Variants in PGM2L1 observed in about 807,000 individuals in gnomAD.
The protein encoded by PGM2L1 is phosphoglucomutase 2 like 1, also known as glucose 1,6-bisphosphate synthase.
Under a neutral mutation model 73.4 loss-of-function variants are expected in PGM2L1, and 35 were observed. That is an observed-to-expected ratio of 0.48 (90% CI 0.36 to 0.63). The LOEUF is 0.63. Ranked by LOEUF, PGM2L1 falls within the 30% of genes least tolerant of loss-of-function variation. The pLI is 0.00. For missense variants in PGM2L1, 570 were observed against 742.0 expected, an observed-to-expected ratio of 0.77 and a Z score of 2.69; for synonymous variants, 225 against 253.8, an observed-to-expected ratio of 0.89 and a Z score of 1.08.
At chr11:74,347,869 A>G (rs1016426033) in intron 6 of PGM2L1, among the ~76,000 whole-genome samples, 1 of 152,218 alleles carries the variant, frequency 6.6e-6, no homozygotes, top group Non-Finnish European at 1.5e-5. Context: ...AGGATTGAAC[A>G]GCTTCACTCT....
chr11:74,386,862 T>C (rs763983210), intron 1 of PGM2L1, among the ~76,000 whole-genome samples: 7 of 152,172 alleles, frequency 4.6e-5, no homozygotes, highest in Admixed American at 1.3e-4. Context: ...TATTCCTAGA[T>C]ATGCCTTGGT....
At chr11:74,341,332 C>T (rs751497105) in intron 12 of PGM2L1, among the ~76,000 whole-genome samples, 35 of 152,192 alleles carry the variant, frequency 2.3e-4, no homozygotes, top group Admixed American at 1.1e-3. Flanking sequence ...AACTGGGGCT[C>T]AGCCCAGGAG....
intron 12 of PGM2L1, among the ~76,000 whole-genome samples, chr11:74,341,128 C>G (rs537567661): frequency 2.0e-5 from 3 of 151,438 alleles, no homozygotes; most frequent in Non-Finnish European, 4.4e-5. Context: ...GCCCCCACCT[C>G]CATTCCACAC....
rs550393852 is a variant in PGM2L1, at chr11:74,352,749, A to G, written c.556-1173T>C. 2.6e-5 allele frequency among the ~76,000 whole-genome samples: 4 copies of G among 152,332 alleles called. No homozygotes were observed. The South Asian group carries it at 8.3e-4, about 32-fold the overall frequency. ...TTATCTTAAATGCACAGCATAATTC[A>G]CAAGAGGAAAGGGACGACTCCAGGC... On this transcript the variant is annotated intron_variant, in intron 5 of 13. Transcript: ENST00000298198.
chr11:74,351,734 G>GGGCAGATCACGAGGTC (rs575704724), intron 5 of PGM2L1, among the ~76,000 whole-genome samples, 158 bp from the exon 6 acceptor site: 1,914 of 152,056 alleles, frequency 0.013, 40 homozygotes, highest in African/African-American at 0.044. Context: ...AGGCTGAGGC[G>GGGCAGATCACGAGGTC]GGCAGATCAC....
chr11:74,345,521 A>C lies in PGM2L1; in HGVS notation c.1166T>G (p.Val389Gly). ...AATTGCCTTCAGAATTTTAGAAGAG[A>C]CTGTGGTGGCTAACATATAAACGTT... ...VKNVYMLATT[V>G]SSKILKAIAL... Residue 389 changes from valine (V) to glycine (G), a missense_variant, in exon 9 of 14, where the codon GTC (valine) becomes GGC (glycine). Coordinates refer to ENST00000298198, the MANE Select transcript of PGM2L1 (RefSeq NM_173582.6). 6.2e-7 allele frequency: 1 copy of C among 1,613,426 alleles called. No individual in the cohort carries two copies. The highest frequency in any genetic ancestry group is 8.5e-7 in the Non-Finnish European group (1 of 1,179,512).
At chr11:74,365,442 G>T (rs188189477) in intron 5 of PGM2L1, among the ~76,000 whole-genome samples, 1 of 152,204 alleles carries the variant, frequency 6.6e-6, no homozygotes, top group Admixed American at 6.5e-5. Context: ...TACAGAATGG[G>T]AGAAACTTTT....
intron 1 of PGM2L1, among the ~76,000 whole-genome samples, chr11:74,388,570 C>T (rs1376690025): frequency 1.3e-5 from 2 of 152,094 alleles, no homozygotes; most frequent in East Asian, 3.9e-4. Context: ...AGCAGAAACA[C>T]AACATAAAAC....
At chr11:74,365,545 G>A (rs904456457) in intron 5 of PGM2L1, among the ~76,000 whole-genome samples, 4 of 152,104 alleles carry the variant, frequency 2.6e-5, no homozygotes, top group African/African-American at 7.2e-5. Context: ...TCGAAAAGTG[G>A]GCAAAGGATA....
chr11:74,377,112 T>C lies in PGM2L1; in HGVS notation c.112-2530A>G, dbSNP rs541663312. 4.0e-5 allele frequency among the ~76,000 whole-genome samples: 6 copies of C among 151,732 alleles called. No homozygotes were observed. In the South Asian group the frequency reaches 1.2e-3, roughly 31 times the overall value. ...AATATATGAAGATTCTAAAGAATTA[T>C]AAACTAATTATCATTATTATTATTT... On this transcript the variant is annotated intron_variant, in intron 1 of 13. Coordinates refer to ENST00000298198, the MANE Select transcript of PGM2L1 (RefSeq NM_173582.6).
rs12365110 is a variant in PGM2L1 at position 74,396,484 on chromosome 11, C to T, written c.111+1567G>A. The stretch of plus-strand genomic sequence containing the variant: ...GGCTGGAGTGCAGTGGCGCGATCTC[C>T]GCTCACTGCAAGCTCCGCCTCCCGG... On this transcript the variant is annotated intron_variant, in intron 1 of 13. Transcript: ENST00000298198. 3.7e-4 allele frequency among the ~76,000 whole-genome samples: 56 copies of T among 151,956 alleles called. 1 individual carries two copies. The highest frequency in any genetic ancestry group is 1.2e-4 in the Non-Finnish European group (8 of 67,920).
At chr11:74,383,260 G>C (rs1862973048) in intron 1 of PGM2L1, among the ~76,000 whole-genome samples, 1 of 151,920 alleles carries the variant, frequency 6.6e-6, no homozygotes, top group Non-Finnish European at 1.5e-5. Flanking sequence ...AAAACACTTA[G>C]ATATATTAAG....
chr11:74,332,548 C>T lies in PGM2L1; in HGVS notation c.*4104G>A, dbSNP rs965282133. The T allele has an allele frequency of 1.4e-4, 22 of 152,492 alleles. No individual in the cohort carries two copies. The highest frequency in any genetic ancestry group is 5.3e-4 in the African/African-American group (22 of 41,398). The allele number at this position is 152,492 out of a possible 1,614,324, so 9.4% of individuals were successfully genotyped here. A position where few individuals can be genotyped will look rare whatever the true frequency, so the allele number is the denominator to read the frequency against. On this transcript the variant is annotated 3_prime_UTR_variant, in exon 14 of 14. Transcript: ENST00000298198. Reference sequence around the variant, plus strand: ...TAGTCCTTCACAGTAACAAAATGTGCAAGGGTGCCTAGGAAAAGTGGGAGG... The same window carrying T: ...TAGTCCTTCACAGTAACAAAATGTGTAAGGGTGCCTAGGAAAAGTGGGAGG...
In PGM2L1 at chr11:74,333,884, A is replaced by C. The variant is rs1343476051; in HGVS notation, c.*2768T>G. 6.6e-6 allele frequency: 1 copy of C among 152,232 alleles called. No individual in the cohort carries two copies. The highest frequency in any genetic ancestry group is 2.4e-5 in the African/African-American group (1 of 41,466). 9.4% of individuals were successfully genotyped at this position (152,232 alleles called of 1,614,324 possible). A position where few individuals can be genotyped will look rare whatever the true frequency, so the allele number is the denominator to read the frequency against. ...TTTCATGCTCAATGAGAATGCAATCATTTTCACAATATTGTTCAAAAAGAA... is the reference window on the plus strand; with the variant it reads ...TTTCATGCTCAATGAGAATGCAATCCTTTTCACAATATTGTTCAAAAAGAA... On this transcript the variant is annotated 3_prime_UTR_variant, in exon 14 of 14. Transcript: ENST00000298198.
chr11:74,379,956 C>T (rs1862914035), intron 1 of PGM2L1, among the ~76,000 whole-genome samples: 1 of 152,014 alleles, frequency 6.6e-6, no homozygotes, highest in Non-Finnish European at 1.5e-5. Context: ...AATATTGTTA[C>T]ACATCTAAAG....
intron 12 of PGM2L1, among the ~76,000 whole-genome samples, chr11:74,340,993 GAATAAGGTTGGAA>G (rs1862174124): frequency 6.6e-6 from 1 of 152,200 alleles, no homozygotes; most frequent in Non-Finnish European, 1.5e-5. Flanking sequence ...GAGGTATAGG[GAATAAGGTTGGAA>G]AAGGAAGTTA....
intron 1 of PGM2L1, among the ~76,000 whole-genome samples, chr11:74,385,015 T>C (rs1410119879): frequency 6.6e-6 from 1 of 152,232 alleles, no homozygotes. Context: ...TAAACTCAGC[T>C]CTCTGAATTT....
chr11:74,378,987 G>A (rs1280934550), intron 1 of PGM2L1, among the ~76,000 whole-genome samples: 1 of 152,140 alleles, frequency 6.6e-6, no homozygotes, highest in Non-Finnish European at 1.5e-5. Context: ...AAATATAAAT[G>A]TCTATAAAAG....
In PGM2L1 at chr11:74,343,304, T is replaced by G. The variant is rs1180947714; in HGVS notation, c.1312+19A>C. The G allele has an allele frequency of 1.0e-5, 16 of 1,554,590 alleles. No individual in the cohort carries two copies. The highest frequency in any genetic ancestry group is 1.3e-5 in the Non-Finnish European group (15 of 1,161,954). On this transcript the variant is annotated intron_variant, in intron 10 of 13. Transcript: ENST00000298198. ...AAATTATCAATCAAATTTTGAAGAT[T>G]TTAATATTTACTACATACCAATAGA...
Sources: allele counts gnomAD v4.1 joint callset (sites outside exome capture counted in the v4.1 genomes callset), GRCh38; gene constraint gnomAD v4.1.1; transcripts MANE v1.5; gene names NCBI Gene and HGNC (gene_info 2026-07-23, HGNC 2026-07-21).